PCDH9: variants seen among roughly 807,000 people sequenced by gnomAD.
PCDH9 encodes protocadherin-9.
Under a neutral mutation model 70.6 loss-of-function variants are expected in PCDH9, and 24 were observed. That is an observed-to-expected ratio of 0.34 (90% CI 0.25 to 0.48). The LOEUF (loss-of-function observed/expected upper bound fraction) is 0.48, where lower values mean the gene tolerates loss of function less well. Among genes scored for constraint, PCDH9 ranks in the 20% least tolerant of loss-of-function variants. The pLI is 0.99. For synonymous variants in PCDH9, 562 were observed against 558.5 expected, an observed-to-expected ratio of 1.01 and a Z score of -0.09; for missense variants, 1,281 against 1,503.6, an observed-to-expected ratio of 0.85 and a Z score of 2.45.
chr13:66,867,544 GA>G (rs1234299350), intron 3 of PCDH9, among the ~76,000 whole-genome samples: 1 of 151,928 alleles, frequency 6.6e-6, no homozygotes, highest in Non-Finnish European at 1.5e-5. Context: ...GAATAGCTAT[GA>G]AAAAAACCTT....
At chr13:66,384,680 T>A (rs530315621) in intron 4 of PCDH9, among the ~76,000 whole-genome samples, 44 of 152,338 alleles carry the variant, frequency 2.9e-4, no homozygotes, top group African/African-American at 1.1e-3. Context: ...TATTTACTTA[T>A]TTGAGGTGGA....
At position 67,182,052 on chromosome 13, in the gene PCDH9, A is replaced by T. The variant is rs190102524; in HGVS notation, c.3036+43353T>A. On this transcript the variant is annotated intron_variant, in intron 2 of 4. Transcript: ENST00000377865. ...GCATGGCTCAAGGCTCTGCCCCTGG[A>T]TCTCTTCTTTCACTTGTTACCAACA... is the stretch of plus-strand genomic sequence containing the variant. Among the ~76,000 whole-genome samples the T allele has an allele frequency of 2.6e-5, 4 of 152,162 alleles. No individual in the cohort carries two copies. The East Asian group carries it at 7.8e-4, about 30-fold the overall frequency.
chr13:66,313,732 A>G (rs1326146098), intron 4 of PCDH9, among the ~76,000 whole-genome samples: 2 of 152,156 alleles, frequency 1.3e-5, no homozygotes, highest in African/African-American at 2.4e-5. Context: ...CCAGGACACT[A>G]ATAATATAAC....
At chr13:67,050,215 A>T (rs1566389244) in intron 2 of PCDH9, among the ~76,000 whole-genome samples, 2 of 152,228 alleles carry the variant, frequency 1.3e-5, no homozygotes, top group Non-Finnish European at 2.9e-5. Context: ...ATGATCTGAT[A>T]GCATTTATTA....
intron 2 of PCDH9, among the ~76,000 whole-genome samples, chr13:67,048,658 G>A (rs2085267856): frequency 1.3e-5 from 2 of 152,180 alleles, no homozygotes; most frequent in African/African-American, 4.8e-5. Flanking sequence ...ATGGAGTTTT[G>A]CTGGGCCTGC....
intron 3 of PCDH9, among the ~76,000 whole-genome samples, chr13:66,738,554 AG>A (rs1245589764): frequency 2.4e-5 from 3 of 126,206 alleles, no homozygotes; most frequent in Non-Finnish European, 5.1e-5. Flanking sequence ...GAGCTACGGG[AG>A]GACATTCAAA....
intron 4 of PCDH9, among the ~76,000 whole-genome samples, chr13:66,337,587 A>G (rs1370016903): frequency 7.3e-6 from 1 of 136,506 alleles, no homozygotes; most frequent in Non-Finnish European, 1.6e-5. Flanking sequence ...ACTCATCTGG[A>G]GGTACTTGTT....
In PCDH9 at chr13:66,658,621, A is replaced by G. The variant is rs899546327; in HGVS notation, c.3139-27210T>C. On this transcript the variant is annotated intron_variant, in intron 3 of 4. Transcript: ENST00000377865. ...TTAAACACTCATTTGTTTATTCACAATGTTTTCTTAAACATGTATCTATAC... is the reference window on the plus strand; with the variant it reads ...TTAAACACTCATTTGTTTATTCACAGTGTTTTCTTAAACATGTATCTATAC... Among the ~76,000 whole-genome samples the G allele has an allele frequency of 3.9e-5, 6 of 152,154 alleles. No individual in the cohort carries two copies. In the South Asian group the frequency reaches 1.2e-3, roughly 31 times the overall value.
intron 2 of PCDH9, among the ~76,000 whole-genome samples, chr13:67,164,359 G>T (rs1020532427): frequency 1.3e-5 from 2 of 151,942 alleles, no homozygotes; most frequent in African/African-American, 4.8e-5. Context: ...GGTGGATCAC[G>T]AGTTCAGGAG....
rs919181772 is a variant in PCDH9 at position 66,823,351 on chromosome 13, A to C, written c.3138+80153T>G. Among the ~76,000 whole-genome samples, 5 of 151,926 alleles carry C rather than the reference A, an allele frequency of 3.3e-5. No homozygotes were observed. The South Asian group carries it at 1.0e-3, about 31-fold the overall frequency. On this transcript the variant is annotated intron_variant, in intron 3 of 4. Coordinates refer to ENST00000377865, the MANE Select transcript of PCDH9 (RefSeq NM_203487.3). Reference sequence around the variant, plus strand: ...AAGGCAGCATCTTGAGTCATGCGCAATTTTTTTAGGAAAGAGAGAAGAAGG... The same window carrying C: ...AAGGCAGCATCTTGAGTCATGCGCACTTTTTTTAGGAAAGAGAGAAGAAGG...
intron 4 of PCDH9, among the ~76,000 whole-genome samples, chr13:66,447,716 A>C (rs1422512471): frequency 6.6e-6 from 1 of 152,196 alleles, no homozygotes; most frequent in East Asian, 1.9e-4. Flanking sequence ...AAATACTTGA[A>C]CAAATAATAA....
intron 4 of PCDH9, among the ~76,000 whole-genome samples, chr13:66,471,487 G>T (rs1425437382): frequency 1.3e-5 from 2 of 152,088 alleles, no homozygotes; most frequent in South Asian, 2.1e-4. Context: ...TTCTCAGCTT[G>T]TGTATGTGTA....
chr13:66,887,299 T>C (rs887748138), intron 3 of PCDH9, among the ~76,000 whole-genome samples: 1 of 152,104 alleles, frequency 6.6e-6, no homozygotes, highest in African/African-American at 2.4e-5. Context: ...CATTCCTCTT[T>C]AGTTTACTAT....
intron 4 of PCDH9, among the ~76,000 whole-genome samples, chr13:66,405,932 G>GA (rs797010564): frequency 1.5e-4 from 23 of 151,452 alleles, no homozygotes; most frequent in African/African-American, 5.3e-4. Context: ...TATGTATAAG[G>GA]GACTGATTGG....
At chr13:66,323,707 G>A (rs1955793879) in intron 4 of PCDH9, 1 of 149,962 alleles carries the variant, frequency 6.7e-6, no homozygotes. Context: ...TTAAACCTAT[G>A]GCGGCATCAC....
At chr13:66,329,000 CCTTTT>C (rs1406751433) in intron 4 of PCDH9, among the ~76,000 whole-genome samples, 1 of 152,096 alleles carries the variant, frequency 6.6e-6, no homozygotes, top group East Asian at 1.9e-4. Context: ...ATTCCACTTA[CCTTTT>C]CTTTTCTTAT....
intron 4 of PCDH9, among the ~76,000 whole-genome samples, chr13:66,307,132 C>T (rs1566230582): frequency 1.3e-5 from 2 of 152,018 alleles, no homozygotes; most frequent in Non-Finnish European, 2.9e-5. Context: ...TGATGAATAA[C>T]AAATTTCCTA....
chr13:66,698,681 C>A (rs2078595034), intron 3 of PCDH9, among the ~76,000 whole-genome samples: 1 of 151,956 alleles, frequency 6.6e-6, no homozygotes, highest in African/African-American at 2.4e-5. Flanking sequence ...TGGGCTCAGT[C>A]AATCTTCCCA....
intron 2 of PCDH9, among the ~76,000 whole-genome samples, chr13:66,937,943 A>T (rs752185773): frequency 6.6e-6 from 1 of 152,086 alleles, no homozygotes; most frequent in Non-Finnish European, 1.5e-5. Flanking sequence ...AAACTCCTTT[A>T]AGTTTAACTC....
Sources: gnomAD v4.1 joint callset for allele counts (sites outside exome capture counted in the v4.1 genomes callset) on GRCh38, gnomAD v4.1.1 for gene constraint, MANE v1.5 for transcripts, NCBI Gene and HGNC (gene_info 2026-07-23, HGNC 2026-07-21) for gene names.